The following FAM200A variants were observed in gnomAD, a reference collection of about 807,000 sequenced individuals.
The protein encoded by FAM200A is protein FAM200A.
Under a neutral mutation model 44.2 loss-of-function variants are expected in FAM200A, and 26 were observed. That is an observed-to-expected ratio of 0.59 (90% CI 0.43 to 0.82). The LOEUF (loss-of-function observed/expected upper bound fraction) is 0.82, where lower values mean the gene tolerates loss of function less well. Among genes scored for constraint, FAM200A ranks in the 40% least tolerant of loss-of-function variants. FAM200A has a pLI of 0.00. For synonymous variants in FAM200A, 206 were observed against 244.4 expected (o/e 0.84, Z 1.47); for missense variants, 606 against 669.5 (o/e 0.91, Z 1.05).
chr7:99,557,395 A>T (rs1355230469), intron 1 of FAM200A, among the ~76,000 whole-genome samples: 1 of 152,144 alleles, frequency 6.6e-6, no homozygotes. Flanking sequence ...AGAACTCCAA[A>T]CCTTTAGCTC....
At chr7:99,557,190 T>C (rs1018226357) in intron 1 of FAM200A, among the ~76,000 whole-genome samples, 12 of 152,208 alleles carry the variant, frequency 7.9e-5, no homozygotes, top group African/African-American at 2.9e-4. Flanking sequence ...TGAGTACTGG[T>C]GGGAAGTGGC....
Position 99,551,896 on chromosome 7 carries a change from C to A in FAM200A, c.-142G>T. 6 of 985,558 alleles carry A rather than the reference C, an allele frequency of 6.1e-6. No individual in the cohort carries two copies. Among genetic ancestry groups the A allele is most frequent in the Non-Finnish European group, 7.2e-6 (6 of 830,030 alleles). The allele number at this position is 985,558 out of a possible 1,614,324, so 61.1% of individuals were successfully genotyped here. On this transcript the variant is annotated 5_prime_UTR_variant, in exon 1 of 2. Coordinates refer to ENST00000449309, the MANE Select transcript of FAM200A (RefSeq NM_145111.4). Reference sequence around the variant, plus strand: ...TCTGCTGGGGGACAGCGCTTGCCACCGCCGAGGCTGGCGCGAGGAACGGGG... The same window carrying A: ...TCTGCTGGGGGACAGCGCTTGCCACAGCCGAGGCTGGCGCGAGGAACGGGG...
At chr7:99,551,737 C>T in intron 1 of FAM200A, 117 bp downstream of exon 1, 1 of 833,284 alleles carries the variant, frequency 1.2e-6, no homozygotes, top group Non-Finnish European at 1.4e-6. Flanking sequence ...TCATTTTGTC[C>T]GCGCGTCTTT....
At chr7:99,549,781 G>C (rs1035105245) in intron 1 of FAM200A, among the ~76,000 whole-genome samples, 3 of 152,094 alleles carry the variant, frequency 2.0e-5, no homozygotes, top group Non-Finnish European at 4.4e-5. Context: ...CCATCATTCT[G>C]AGCAAACTAT....
chr7:99,555,140 T>C (rs1802653542), upstream of FAM200A, among the ~76,000 whole-genome samples: 1 of 152,214 alleles, frequency 6.6e-6, no homozygotes, highest in African/African-American at 2.4e-5. Flanking sequence ...ATGTAATTAC[T>C]TCAAGATGAG....
In FAM200A at chr7:99,548,524, G is replaced by GTT. The variant is rs1430682868; in HGVS notation, c.-99-19_-99-18insAA. 6.8e-7 allele frequency: 1 copy of GTT among 1,470,872 alleles called. No homozygotes were observed. The highest frequency in any genetic ancestry group is 9.0e-7 in the Non-Finnish European group (1 of 1,110,578). 91.1% of individuals were successfully genotyped at this position (1,470,872 alleles called of 1,614,324 possible). ...TTGCTATCCTGCAGGGTAGAAAAAC[G>GTT]TAACAGCAGTATTAAAAAGCAACAT... On this transcript the variant is annotated intron_variant, in intron 1 of 1. Coordinates refer to ENST00000449309, the MANE Select transcript of FAM200A (RefSeq NM_145111.4).
At chr7:99,557,946 G>C (rs1256651481) in intron 1 of FAM200A, among the ~76,000 whole-genome samples, 1 of 152,210 alleles carries the variant, frequency 6.6e-6, no homozygotes, top group Non-Finnish European at 1.5e-5. Flanking sequence ...CAAGGTGTCA[G>C]AATGTCCTAA....
upstream of FAM200A, among the ~76,000 whole-genome samples, chr7:99,552,842 G>A (rs1802566736): frequency 6.6e-6 from 1 of 151,656 alleles, no homozygotes; most frequent in Non-Finnish European, 1.5e-5. Context: ...CTATGATTAC[G>A]TGGTATCCCG....
At chr7:99,551,726 G>T in intron 1 of FAM200A, 128 bp downstream of exon 1, 1 of 727,768 alleles carries the variant, frequency 1.4e-6, no homozygotes, top group Non-Finnish European at 1.7e-6. Flanking sequence ...TCTGACTGGG[G>T]TCATTTTGTC....
intron 1 of FAM200A, 43 bp downstream of exon 1, chr7:99,551,811 G>C (rs1802538576): frequency 2.0e-6 from 2 of 985,228 alleles, no homozygotes; most frequent in African/African-American, 3.5e-5. Flanking sequence ...CCAGTCCCAG[G>C]GGTGTCTCCA....
Position 99,551,958 on chromosome 7 carries a change from G to C in FAM200A, c.-204C>G. Reference sequence around the variant, plus strand: ...CTTCCACTCCGTCCCGGGCGGTCGTGGCGAGGGGATTGCAGGACACAGCCA... The same window carrying C: ...CTTCCACTCCGTCCCGGGCGGTCGTCGCGAGGGGATTGCAGGACACAGCCA... On this transcript the variant is annotated 5_prime_UTR_variant, in exon 1 of 2. Coordinates refer to ENST00000449309, the MANE Select transcript of FAM200A (RefSeq NM_145111.4). 1.0e-6 allele frequency: 1 copy of C among 985,546 alleles called. No individual in the cohort carries two copies. The highest frequency in any genetic ancestry group is 1.2e-6 in the Non-Finnish European group (1 of 829,996). The allele number at this position is 985,546 out of a possible 1,614,324, so 61.1% of individuals were successfully genotyped here.
chr7:99,556,540 T>C (rs1466556190), upstream of FAM200A, among the ~76,000 whole-genome samples: 11 of 152,296 alleles, frequency 7.2e-5, no homozygotes, highest in East Asian at 1.9e-3. Flanking sequence ...CAACCTCATA[T>C]TTCTGGACTT....
Position 99,548,278 on chromosome 7 carries a change from C to G in FAM200A, c.130G>C (p.Glu44Gln), listed in dbSNP as rs1331891325. 3 of 1,614,164 alleles carry G rather than the reference C, an allele frequency of 1.9e-6. No individual in the cohort carries two copies. The South Asian group carries it at 3.3e-5, about 18-fold the overall frequency. Reference protein sequence around the residue: ...DHFQKERNKVESSPQVLSRST... With the variant: ...DHFQKERNKVQSSPQVLSRST... ...CGACTGAGAACTTGTGGCGATGACTCTACTTTGTTTCTTTCCTTTTGAAAA... is the reference window on the plus strand; with the variant it reads ...CGACTGAGAACTTGTGGCGATGACTGTACTTTGTTTCTTTCCTTTTGAAAA... Residue 44 changes from glutamate to glutamine, a missense_variant, in exon 2 of 2, where the codon GAG becomes CAG. Physicochemically the swap from Glu to Gln is conservative, Grantham distance 29. Transcript: ENST00000449309.
chr7:99,552,994 TATATACACACAC>T (rs1284365456), upstream of FAM200A, among the ~76,000 whole-genome samples: 2 of 145,510 alleles, frequency 1.4e-5, no homozygotes, highest in African/African-American at 5.2e-5. Context: ...TACACACATA[TATATACACACAC>T]ATATATATAC....
rs1227107484 is a variant in FAM200A, at chr7:99,546,959, T to C, written c.1449A>G (p.Ser483=). The change falls in exon 2 of 2, where the codon TCA becomes TCG. Residue 483 remains serine (S), a synonymous_variant. Coordinates refer to ENST00000449309, the MANE Select transcript of FAM200A (RefSeq NM_145111.4). The part of the protein sequence containing the change: ...EENELLQLSS[S]FTLKNYYKIL... The stretch of plus-strand genomic sequence containing the variant: ...TCTTATAATAATTCTTTAGTGTGAA[T>C]GATGAACTGAGCTGCAATAATTCAT... 1 of 1,550,194 alleles carries C rather than the reference T, an allele frequency of 6.5e-7. No individual in the cohort carries two copies. Among genetic ancestry groups the C allele is most frequent in the Non-Finnish European group, 8.7e-7 (1 of 1,146,746 alleles).
Position 99,547,517 on chromosome 7 carries a change from AAAC to A in FAM200A, c.888_890del (p.Leu296del), listed in dbSNP as rs1228948612. Reference sequence around the variant, plus strand: ...GAGAAAGCCAACGAACTTCTGTATGAAACAATAAGTGGGTGTGGTTCACTCCAA... The same window carrying A: ...GAGAAAGCCAACGAACTTCTGTATGAAATAAGTGGGTGTGGTTCACTCCAA... On this transcript the variant is annotated inframe_deletion, in exon 2 of 2. Transcript: ENST00000449309. 5 of 1,550,206 alleles carry A rather than the reference AAAC, an allele frequency of 3.2e-6. No homozygotes were observed. In the African/African-American group the frequency reaches 5.5e-5, roughly 17 times the overall value.
chr7:99,552,338 T>A (rs1802557340), upstream of FAM200A, among the ~76,000 whole-genome samples: 1 of 152,208 alleles, frequency 6.6e-6, no homozygotes, highest in African/African-American at 2.4e-5. Context: ...TCCTTCTATT[T>A]TTCTTGATGA....
Position 99,546,728 on chromosome 7 carries a change from G to A in FAM200A, c.1680C>T (p.Asp560=). 6.5e-7 allele frequency: 1 copy of A among 1,542,874 alleles called. No individual in the cohort carries two copies. The highest frequency in any genetic ancestry group is 1.4e-5 in the African/African-American group (1 of 72,650). The change falls in exon 2 of 2, where the codon GAC becomes GAT. Residue 560 remains aspartate (D), a synonymous_variant. Coordinates refer to ENST00000449309, the MANE Select transcript of FAM200A (RefSeq NM_145111.4). ...MRVALSSCVP[D]WKELMNRQAH... Reference sequence around the variant, plus strand: ...CTTGTCTGTTCATAAGTTCCTTCCAGTCAGGAACACATGAAGATAATGCTA... The same window carrying A: ...CTTGTCTGTTCATAAGTTCCTTCCAATCAGGAACACATGAAGATAATGCTA...
chr7:99,547,307 A>C lies in FAM200A; in HGVS notation c.1101T>G (p.Asp367Glu). 1 of 1,550,826 alleles carries C rather than the reference A, an allele frequency of 6.4e-7. No individual in the cohort carries two copies. The highest frequency in any genetic ancestry group is 2.4e-5 in the East Asian group (1 of 40,884). Residue 367 changes from aspartate (D) to glutamate (E), a missense_variant, in exon 2 of 2, where the codon GAT (aspartate) becomes GAG (glutamate). Asp to Glu is a conservative substitution (Grantham distance 45). Transcript: ENST00000449309. ...GAATATGTTCAAGATACTGAAATAT[A>C]TCATTGTTTTTCCCCTGCATTTTCA... ...LSLKMQGKNN[D>E]IFQYLEHILG...
Sources: allele counts gnomAD v4.1 joint callset (sites outside exome capture counted in the v4.1 genomes callset), GRCh38; gene constraint gnomAD v4.1.1; transcripts MANE v1.5; gene names NCBI Gene and HGNC (gene_info 2026-07-23, HGNC 2026-07-21).